The following SLC39A12 variants were observed in gnomAD, a reference collection of about 807,000 sequenced individuals.
SLC39A12 encodes the protein solute carrier family 39 member 12.
SLC39A12 carries 63 observed loss-of-function variants against 71.1 expected under a neutral mutation model. The observed-to-expected ratio is 0.89, with a 90% CI of 0.72 to 1.09. SLC39A12 has a LOEUF of 1.09. Among genes scored for constraint, SLC39A12 ranks in the 50% least tolerant of loss-of-function variants. The pLI is 0.00. For missense variants in SLC39A12, 892 were observed against 812.6 expected, an observed-to-expected ratio of 1.10 and a Z score of -1.19; for synonymous variants, 351 against 301.3, an observed-to-expected ratio of 1.16 and a Z score of -1.71.
chr10:18,017,389 A>T (rs1347014100), intron 12 of SLC39A12, among the ~76,000 whole-genome samples: 3 of 152,114 alleles, frequency 2.0e-5, no homozygotes, highest in African/African-American at 7.2e-5. Flanking sequence ...GCTCACTGCA[A>T]CCTCTGCCTC....
chr10:17,979,039 G>T (rs35627797), intron 5 of SLC39A12, among the ~76,000 whole-genome samples: 19,216 of 152,150 alleles, frequency 0.13, 1,299 homozygotes, highest in Non-Finnish European at 0.14. Context: ...CTAAAGATTA[G>T]AAACCACTGC....
At chr10:17,954,036 C>A (rs1206029791) in intron 2 of SLC39A12, among the ~76,000 whole-genome samples, 1 of 152,096 alleles carries the variant, frequency 6.6e-6, no homozygotes, top group African/African-American at 2.4e-5. Context: ...GGAATCTGAG[C>A]TGGGGAGACA....
chr10:18,008,785 G>A (rs1442257239), intron 12 of SLC39A12: 2 of 152,116 alleles, frequency 1.3e-5, no homozygotes, highest in East Asian at 1.9e-4. Context: ...TCTCCTAATC[G>A]CCATTATTTC....
chr10:18,041,568 A>C (rs1166529484), intron 12 of SLC39A12, among the ~76,000 whole-genome samples: 2 of 127,740 alleles, frequency 1.6e-5, no homozygotes, highest in Admixed American at 1.7e-4. Flanking sequence ...GCACACATAC[A>C]CACACACATA....
chr10:18,005,878 C>T (rs1445182769), intron 12 of SLC39A12: 1 of 152,154 alleles, frequency 6.6e-6, no homozygotes, highest in Non-Finnish European at 1.5e-5. Context: ...TGTGAGTTTC[C>T]CGGGGCTACT....
At chr10:17,972,585 A>G (rs983180501) in intron 4 of SLC39A12, among the ~76,000 whole-genome samples, 1 of 152,158 alleles carries the variant, frequency 6.6e-6, no homozygotes, top group African/African-American at 2.4e-5. Context: ...ATCATTATAT[A>G]GTGACCTTTG....
chr10:18,038,083 G>T (rs946956437), intron 12 of SLC39A12, among the ~76,000 whole-genome samples: 1 of 134,232 alleles, frequency 7.4e-6, no homozygotes, highest in South Asian at 2.3e-4. Context: ...GTTATCATAG[G>T]GTCCATTATT....
chr10:18,035,565 GT>G (rs1836979843), intron 12 of SLC39A12, among the ~76,000 whole-genome samples: 1 of 151,794 alleles, frequency 6.6e-6, no homozygotes, highest in African/African-American at 2.4e-5. Flanking sequence ...TTTTTTCAAA[GT>G]TTTCAACTTC....
chr10:17,972,463 GCTTATGT>G (rs1834999587), intron 4 of SLC39A12, among the ~76,000 whole-genome samples: 1 of 152,090 alleles, frequency 6.6e-6, no homozygotes, highest in Non-Finnish European at 1.5e-5. Context: ...TTGTACTGTG[GCTTATGT>G]CTCTCTGTAG....
At chr10:18,003,414 A>AG (rs1835892420) in intron 12 of SLC39A12, 56 bp downstream of exon 12, 1 of 1,486,912 alleles carries the variant, frequency 6.7e-7, no homozygotes, top group Non-Finnish European at 9.1e-7. Context: ...TGTAAAACAG[A>AG]GAAAAAAAAC....
At chr10:17,980,414 T>A (rs1835222531) in intron 5 of SLC39A12, among the ~76,000 whole-genome samples, 1 of 152,120 alleles carries the variant, frequency 6.6e-6, no homozygotes, top group Non-Finnish European at 1.5e-5. Context: ...ACCTTACTGA[T>A]CGCAACTAAA....
chr10:17,997,372 T>C (rs186088246), intron 10 of SLC39A12, among the ~76,000 whole-genome samples: 62 of 152,350 alleles, frequency 4.1e-4, no homozygotes, highest in Admixed American at 1.6e-3. Context: ...ATTCAAAATA[T>C]GTAATTACAT....
intron 12 of SLC39A12, among the ~76,000 whole-genome samples, chr10:18,021,046 G>A (rs1051954199): frequency 6.6e-6 from 1 of 151,880 alleles, no homozygotes; most frequent in African/African-American, 2.4e-5. Flanking sequence ...TCTTTGCCAA[G>A]ACTGATATCC....
At chr10:17,965,110 G>A (rs1261778677) in intron 3 of SLC39A12, among the ~76,000 whole-genome samples, 4 of 152,194 alleles carry the variant, frequency 2.6e-5, no homozygotes, top group African/African-American at 7.2e-5. Flanking sequence ...AGGAGGCTGA[G>A]GCAGGAGAAT....
intron 12 of SLC39A12, among the ~76,000 whole-genome samples, chr10:18,036,786 A>ATTTTTTTTTTTTTTTTTTT (rs1407183255): frequency 2.1e-4 from 2 of 9,460 alleles, no homozygotes; most frequent in African/African-American, 3.6e-4. Flanking sequence ...ATATATATAT[A>ATTTTTTTTTTTTTTTTTTT]TATATATATT....
chr10:17,980,773 A>G (rs1835233754), intron 5 of SLC39A12, among the ~76,000 whole-genome samples: 1 of 152,212 alleles, frequency 6.6e-6, no homozygotes, highest in Non-Finnish European at 1.5e-5. Flanking sequence ...AGGTAGCTAC[A>G]TCATTTGGTA....
intron 9 of SLC39A12, among the ~76,000 whole-genome samples, chr10:17,993,978 T>TGAG (rs1192343833): frequency 6.6e-6 from 1 of 152,134 alleles, no homozygotes; most frequent in African/African-American, 2.4e-5. Context: ...TCAGTAGAAA[T>TGAG]GAGGAGGCTA....
Position 18,038,980 on chromosome 10 carries a change from G to A in SLC39A12, c.1948-3725G>A, listed in dbSNP as rs2488131. On this transcript the variant is annotated intron_variant, in intron 12 of 12. Coordinates refer to ENST00000377369, the MANE Select transcript of SLC39A12 (RefSeq NM_001145195.2). ...ACCAGAACCATTTTTACTACCATGCGTCTATCTTGCCCAAAATATTTTTCT... is the reference window on the plus strand; with the variant it reads ...ACCAGAACCATTTTTACTACCATGCATCTATCTTGCCCAAAATATTTTTCT... 2.0e-5 allele frequency among the ~76,000 whole-genome samples: 3 copies of A among 152,170 alleles called. No individual in the cohort carries two copies. In the South Asian group the frequency reaches 6.2e-4, roughly 32 times the overall value.
Position 17,961,676 on chromosome 10 carries a change from C to G in SLC39A12, c.357C>G (p.Leu119=), listed in dbSNP as rs781976330. ...TCCAGAGAGTTTCTCTTCTCCTTCT[C>G]TATTACATTATTCATCAGGAAGAGA... is the stretch of plus-strand genomic sequence containing the variant. ...EVVQRVSLLL[L]YYIIHQEEIC... The change falls in exon 3 of 13, where the codon CTC becomes CTG. Residue 119 remains leucine (L), a synonymous_variant. Coordinates refer to ENST00000377369, the MANE Select transcript of SLC39A12 (RefSeq NM_001145195.2). The G allele has an allele frequency of 1.2e-6, 2 of 1,613,966 alleles. No homozygotes were observed. The highest frequency in any genetic ancestry group is 1.3e-5 in the African/African-American group (1 of 75,052).
Sources: gnomAD v4.1 joint callset for allele counts (sites outside exome capture counted in the v4.1 genomes callset) on GRCh38, gnomAD v4.1.1 for gene constraint, MANE v1.5 for transcripts, NCBI Gene and HGNC (gene_info 2026-07-23, HGNC 2026-07-21) for gene names.